DDOST: variants seen among roughly 807,000 people sequenced by gnomAD.
DDOST encodes the protein dolichyl-diphosphooligosaccharide--protein glycosyltransferase non-catalytic subunit, also known as dolichyl-diphosphooligosaccharide--protein glycosyltransferase 48 kDa subunit.
A neutral mutation model predicts 47.6 loss-of-function variants in DDOST; 25 were observed. The ratio of observed to expected loss-of-function variants is 0.53; its 90% CI spans 0.38 to 0.73. DDOST has a LOEUF of 0.73. Ranked by LOEUF, DDOST falls within the 30% of genes least tolerant of loss-of-function variation. The probability of loss-of-function intolerance (pLI) is 0.00; values close to 1 mark genes in which losing one functional copy is unlikely to be tolerated. For synonymous variants in DDOST, 275 were observed against 236.0 expected (o/e 1.17, Z -1.51); for missense variants, 526 against 573.9 (o/e 0.92, Z 0.85).
In DDOST at chr1:20,654,503, A is replaced by G. The variant is rs2053343498; in HGVS notation, c.645+111T>C. ...ACCTGAAGGGGGAGCCTGAGACCAC[A>G]CCGCTTCTGCCCATGCCCCACCCCA... On this transcript the variant is annotated intron_variant, in intron 6 of 10. Coordinates refer to ENST00000602624, the MANE Select transcript of DDOST (RefSeq NM_005216.5). 2.2e-6 allele frequency: 3 copies of G among 1,375,146 alleles called. No homozygotes were observed. In the East Asian group the frequency reaches 7.5e-5, roughly 34 times the overall value. The allele number at this position is 1,375,146 out of a possible 1,614,324, so 85.2% of individuals were successfully genotyped here.
chr1:20,660,841 G>A (rs757514079), intron 2 of DDOST, 40 bp downstream of exon 2: 2 of 1,202,600 alleles, frequency 1.7e-6, no homozygotes, highest in South Asian at 2.5e-5. Context: ...CAAGTCCCGG[G>A]TCTCGAATTC....
At position 20,655,764 on chromosome 1, in the gene DDOST, TC is replaced by T; in HGVS notation, c.367del (p.Glu123SerfsTer42). On this transcript the variant is annotated frameshift_variant, in exon 4 of 11. Transcript: ENST00000602624. LOFTEE classifies it high-confidence loss of function. ...CTCAATCCCGCACTCACTGCCCAGC[TC>T]TCGAAGAGGGTCACCTGCACAGACC... The part of the protein sequence containing the change: ...ASSDIGDPLR[E>X]LGSECGIEFD... 1 of 1,614,026 alleles carries T rather than the reference TC, an allele frequency of 6.2e-7. No homozygotes were observed. Among genetic ancestry groups the T allele is most frequent in the Non-Finnish European group, 8.5e-7 (1 of 1,179,998 alleles).
At chr1:20,653,883 C>G in intron 7 of DDOST, 109 bp from the exon 8 acceptor site, 1 of 1,340,546 alleles carries the variant, frequency 7.5e-7, no homozygotes, top group Non-Finnish European at 1.0e-6. Flanking sequence ...CGAAGTTCTG[C>G]CTGTAGGCCT....
At position 20,655,757 on chromosome 1, in the gene DDOST, GC is replaced by G. The variant is rs746746682; in HGVS notation, c.374del (p.Gly125AlafsTer40). 7.4e-6 allele frequency: 12 copies of G among 1,614,032 alleles called. No individual in the cohort carries two copies. The highest frequency in any genetic ancestry group is 1.3e-5 in the African/African-American group (1 of 75,038). ...SDIGDPLREL[G>X]SECGIEFDEE... Reference sequence around the variant, plus strand: ...CGTCAAACTCAATCCCGCACTCACTGCCCAGCTCTCGAAGAGGGTCACCTGC... The same window carrying G: ...CGTCAAACTCAATCCCGCACTCACTGCCAGCTCTCGAAGAGGGTCACCTGC... On this transcript the variant is annotated frameshift_variant, in exon 4 of 11. Coordinates refer to ENST00000602624, the MANE Select transcript of DDOST (RefSeq NM_005216.5). LOFTEE classifies it high-confidence loss of function.
At chr1:20,658,097 A>G (rs2053395151) in intron 2 of DDOST, among the ~76,000 whole-genome samples, 1 of 152,282 alleles carries the variant, frequency 6.6e-6, no homozygotes, top group African/African-American at 2.4e-5. Flanking sequence ...TAAAGCTGAC[A>G]GAACACGGGC....
intron 2 of DDOST, among the ~76,000 whole-genome samples, chr1:20,658,204 G>A (rs183404791): frequency 9.8e-5 from 15 of 152,336 alleles, no homozygotes; most frequent in South Asian, 2.1e-4. Context: ...TTTTTCCCGG[G>A]TATAGAGGAT....
chr1:20,657,361 C>T (rs575927641), intron 2 of DDOST, among the ~76,000 whole-genome samples: 78 of 152,232 alleles, frequency 5.1e-4, no homozygotes, highest in Admixed American at 1.4e-3. Context: ...TTTTGAAGGA[C>T]GATCCTGGCA....
Position 20,655,685 on chromosome 1 carries a change from G to A in DDOST, c.447C>T (p.Asp149=), listed in dbSNP as rs751958293. ...VIDHHNYDIS[D]LGQHTLIVAD... is the part of the protein sequence containing the mutation. ...TGACAGGCCTGATTACCTGGCCAAG[G>A]TCTGAGATGTCATAGTTGTGATGGT... is the stretch of plus-strand genomic sequence containing the variant. The change falls in exon 4 of 11, where the codon GAC becomes GAT. Residue 149 remains aspartate (D), a synonymous_variant. Transcript: ENST00000602624. 1.2e-6 allele frequency: 2 copies of A among 1,613,652 alleles called. No individual in the cohort carries two copies. Among genetic ancestry groups the A allele is most frequent in the East Asian group, 2.2e-5 (1 of 44,868 alleles).
chr1:20,654,156 T>C (rs984528449), intron 7 of DDOST, 67 bp downstream of exon 7: 5 of 1,518,186 alleles, frequency 3.3e-6, no homozygotes, highest in Middle Eastern at 2.3e-4. Context: ...CTTCCCCTTC[T>C]GAGTCCTCCC....
chr1:20,661,059 C>A, intron 1 of DDOST, 68 bp from the exon 2 acceptor site: 1 of 1,472,398 alleles, frequency 6.8e-7, no homozygotes, highest in Middle Eastern at 2.0e-4. Flanking sequence ...GCAGACATCG[C>A]GGACCCGCAC....
In DDOST at chr1:20,660,996, A is replaced by C. The variant is rs1570419394; in HGVS notation, c.155-5T>G. 1.9e-6 allele frequency: 3 copies of C among 1,601,702 alleles called. No individual in the cohort carries two copies. The highest frequency in any genetic ancestry group is 2.6e-6 in the Non-Finnish European group (3 of 1,168,864). On this transcript the variant is annotated splice_polypyrimidine_tract_variant and splice_region_variant and intron_variant, in intron 1 of 10. Coordinates refer to ENST00000602624, the MANE Select transcript of DDOST (RefSeq NM_005216.5). ...ATGTGAGCTCAAAGCCCCGGTCTGG[A>C]CAAGAAAAAACAGGTAGTTGAGGAA... is the stretch of plus-strand genomic sequence containing the variant.
intron 8 of DDOST, 47 bp from the exon 9 acceptor site, chr1:20,653,018 C>T: frequency 6.2e-7 from 1 of 1,609,498 alleles, no homozygotes; most frequent in Non-Finnish European, 8.5e-7. Flanking sequence ...GACTGGAGGC[C>T]TTCCACCACC....
rs767736586 is a variant in DDOST, at chr1:20,652,519, G to A, written c.1180C>T (p.Arg394Trp). 5 of 1,613,842 alleles carry A rather than the reference G, an allele frequency of 3.1e-6. No individual in the cohort carries two copies. In the Admixed American group the frequency reaches 5.0e-5, roughly 16 times the overall value. ...HLYSSTQVSV[R>W]PLQHTQYERF... ...TCATACTGCGTGTGCTGGAGTGGCC[G>A]CACGGATACCTGCAGGAGGACAGAG... Residue 394 changes from arginine (R) to tryptophan (W), a missense_variant, in exon 11 of 11, where the codon CGG becomes TGG. Coordinates refer to ENST00000602624, the MANE Select transcript of DDOST (RefSeq NM_005216.5).
chr1:20,655,171 GTTTTTTT>G (rs869053335), intron 5 of DDOST, among the ~76,000 whole-genome samples: 1 of 77,214 alleles, frequency 1.3e-5, no homozygotes, highest in African/African-American at 4.9e-5. Flanking sequence ...ACTTTTTTTT[GTTTTTTT>G]TTTTTTTTTT....
chr1:20,660,880 C>A lies in DDOST; in HGVS notation c.265+1G>T. ...TGCTAGGGGCGACGCGGAACCCTTA[C>A]CTTCTACCGAAGGGGAGAAAATGAT... On this transcript the variant is annotated splice_donor_variant, in intron 2 of 10. Coordinates refer to ENST00000602624, the MANE Select transcript of DDOST (RefSeq NM_005216.5). LOFTEE classifies it high-confidence loss of function. 2 of 1,578,012 alleles carry A rather than the reference C, an allele frequency of 1.3e-6. No individual in the cohort carries two copies. The highest frequency in any genetic ancestry group is 1.3e-5 in the African/African-American group (1 of 74,290).
chr1:20,653,008 G>A (rs779789282), intron 8 of DDOST, 37 bp from the exon 9 acceptor site: 1 of 1,611,494 alleles, frequency 6.2e-7, no homozygotes, highest in Non-Finnish European at 8.5e-7. Flanking sequence ...GGCTGGCCAT[G>A]ACTGGAGGCC....
In DDOST at chr1:20,653,788, A is replaced by G; in HGVS notation, c.795-14T>C. ...GTCTGGGAATACCTGCAGGAGGGAA[A>G]CAGGAGCAGCTTGGGCACCAGAGCC... is the stretch of plus-strand genomic sequence containing the variant. On this transcript the variant is annotated splice_polypyrimidine_tract_variant and intron_variant, in intron 7 of 10. Transcript: ENST00000602624. 6.2e-7 allele frequency: 1 copy of G among 1,608,802 alleles called. No individual in the cohort carries two copies. The highest frequency in any genetic ancestry group is 1.1e-5 in the South Asian group (1 of 90,698).
At chr1:20,657,314 G>T (rs1049216517) in intron 2 of DDOST, among the ~76,000 whole-genome samples, 1 of 152,232 alleles carries the variant, frequency 6.6e-6, no homozygotes, top group Admixed American at 6.5e-5. Flanking sequence ...GCCGCTGGAC[G>T]ATTCTGAGCA....
chr1:20,658,474 TG>T (rs2154534367), intron 2 of DDOST, among the ~76,000 whole-genome samples: 1 of 152,350 alleles, frequency 6.6e-6, no homozygotes, highest in East Asian at 1.9e-4. Flanking sequence ...TTCCAAAGTG[TG>T]GAACCCACTC....
Sources: allele counts gnomAD v4.1 joint callset (sites outside exome capture counted in the v4.1 genomes callset), GRCh38; gene constraint gnomAD v4.1.1; transcripts MANE v1.5; gene names NCBI Gene and HGNC (gene_info 2026-07-23, HGNC 2026-07-21).